Variants in RASGEF1A observed in about 807,000 individuals in gnomAD.
RASGEF1A encodes RasGEF domain family member 1A, also known as ras-GEF domain-containing family member 1A.
RASGEF1A carries 18 observed loss-of-function variants against 56.4 expected under a neutral mutation model. The observed-to-expected ratio is 0.32, with a 90% CI of 0.22 to 0.47. RASGEF1A has a LOEUF of 0.47. RASGEF1A is among the 20% of genes least tolerant of loss of function. The probability of loss-of-function intolerance (pLI) is 1.00; values close to 1 mark genes in which losing one functional copy is unlikely to be tolerated. For synonymous variants in RASGEF1A, 245 were observed against 242.6 expected, an observed-to-expected ratio of 1.01 and a Z score of -0.09; for missense variants, 422 against 627.1, an observed-to-expected ratio of 0.67 and a Z score of 3.49.
intron 1 of RASGEF1A, among the ~76,000 whole-genome samples, chr10:43,210,522 A>G (rs956190649): frequency 5.9e-5 from 9 of 152,200 alleles, no homozygotes; most frequent in African/African-American, 2.2e-4. Flanking sequence ...TAGTATGTGC[A>G]CACCAGCACC....
At chr10:43,256,245 G>A (rs1055611707) in intron 1 of RASGEF1A, among the ~76,000 whole-genome samples, 8 of 152,180 alleles carry the variant, frequency 5.3e-5, no homozygotes, top group African/African-American at 1.7e-4. Flanking sequence ...GGGCAGGTGC[G>A]GCAGGTGCTG....
At position 43,208,925 on chromosome 10, in the gene RASGEF1A, C is replaced by A. The variant is rs1042811701; in HGVS notation, c.-6-2803G>T. On this transcript the variant is annotated intron_variant, in intron 1 of 12. Coordinates refer to ENST00000395810, the MANE Select transcript of RASGEF1A (RefSeq NM_145313.4). ...CTTGTTCCTGGGTGCATCTGGCCAG[C>A]CCTCCACCTTCCCAGCTGTGAAATG... The A allele has an allele frequency of 2.0e-5, 20 of 985,584 alleles. No homozygotes were observed. The African/African-American group carries it at 3.0e-4, about 15-fold the overall frequency. The allele number at this position is 985,584 out of a possible 1,614,324, so 61.1% of individuals were successfully genotyped here.
At chr10:43,234,064 G>A (rs1840403226) in intron 1 of RASGEF1A, among the ~76,000 whole-genome samples, 1 of 152,182 alleles carries the variant, frequency 6.6e-6, no homozygotes, top group African/African-American at 2.4e-5. Context: ...GAGGTCTGGG[G>A]TGCTGCCCTG....
At position 43,211,965 on chromosome 10, in the gene RASGEF1A, T is replaced by C. The variant is rs578144730; in HGVS notation, c.-6-5843A>G. On this transcript the variant is annotated intron_variant, in intron 1 of 12. Transcript: ENST00000395810. Reference sequence around the variant, plus strand: ...GTTGTGTGCCTGGAGCAGAACCAGGTATGTGGTTCTGTGCCACCCACATCT... The same window carrying C: ...GTTGTGTGCCTGGAGCAGAACCAGGCATGTGGTTCTGTGCCACCCACATCT... Among the ~76,000 whole-genome samples, 6 of 152,278 alleles carry C rather than the reference T, an allele frequency of 3.9e-5. No individual in the cohort carries two copies. In the East Asian group the frequency reaches 1.2e-3, roughly 29 times the overall value.
chr10:43,200,309 C>G (rs1289109824), intron 5 of RASGEF1A, 53 bp from the exon 6 acceptor site: 35 of 1,475,384 alleles, frequency 2.4e-5, no homozygotes, highest in Non-Finnish European at 3.2e-5. Flanking sequence ...GGAGAAGGGA[C>G]AGCACTGCAT....
chr10:43,260,217 G>A (rs1055065962), intron 1 of RASGEF1A, among the ~76,000 whole-genome samples: 3 of 152,134 alleles, frequency 2.0e-5, no homozygotes, highest in Non-Finnish European at 2.9e-5. Context: ...TACACCCAGA[G>A]CCCCCAGGCA....
intron 1 of RASGEF1A, among the ~76,000 whole-genome samples, chr10:43,224,511 T>C (rs1840248031): frequency 6.6e-6 from 1 of 152,198 alleles, no homozygotes; most frequent in Non-Finnish European, 1.5e-5. Flanking sequence ...GAAAGGCATT[T>C]GATGATTTTG....
At chr10:43,262,387 C>T (rs1309714123) in intron 1 of RASGEF1A, among the ~76,000 whole-genome samples, 2 of 152,118 alleles carry the variant, frequency 1.3e-5, no homozygotes, top group Non-Finnish European at 2.9e-5. Flanking sequence ...CCTCCCAGCC[C>T]CACCCCCCAG....
At chr10:43,259,081 C>G (rs1369907749) in intron 1 of RASGEF1A, among the ~76,000 whole-genome samples, 2 of 152,244 alleles carry the variant, frequency 1.3e-5, no homozygotes, top group Non-Finnish European at 2.9e-5. Flanking sequence ...CCTGGACAAA[C>G]AGACAAAGCT....
At chr10:43,244,264 CCTCTG>C (rs967162826) in intron 1 of RASGEF1A, among the ~76,000 whole-genome samples, 1 of 138,640 alleles carries the variant, frequency 7.2e-6, no homozygotes, top group African/African-American at 2.6e-5. Context: ...GCCGCAGGGA[CCTCTG>C]CCTAGGAAAA....
intron 1 of RASGEF1A, among the ~76,000 whole-genome samples, chr10:43,257,507 T>C (rs1836443098): frequency 6.6e-6 from 1 of 152,146 alleles, no homozygotes; most frequent in Non-Finnish European, 1.5e-5. Flanking sequence ...CACACCTCAG[T>C]CCCATCTGGC....
intron 1 of RASGEF1A, chr10:43,209,285 G>C: frequency 1.1e-6 from 1 of 902,274 alleles, no homozygotes; most frequent in Non-Finnish European, 1.3e-6. Flanking sequence ...CAGAGAACCC[G>C]TTATTCCCTT....
intron 1 of RASGEF1A, among the ~76,000 whole-genome samples, chr10:43,238,914 A>G (rs1221934841): frequency 6.6e-6 from 1 of 152,234 alleles, no homozygotes; most frequent in Non-Finnish European, 1.5e-5. Context: ...GCTTCTGTGC[A>G]TGTGTCTGTT....
chr10:43,220,184 A>G (rs1840189083), intron 1 of RASGEF1A, among the ~76,000 whole-genome samples: 2 of 152,320 alleles, frequency 1.3e-5, no homozygotes, highest in South Asian at 4.1e-4. Flanking sequence ...AATGTGTAAT[A>G]ATGTGTTGTG....
intron 1 of RASGEF1A, among the ~76,000 whole-genome samples, chr10:43,224,618 G>A (rs1256118513): frequency 6.6e-6 from 1 of 152,166 alleles, no homozygotes; most frequent in Non-Finnish European, 1.5e-5. Context: ...CCTTGATGAC[G>A]AATACCTATT....
At chr10:43,215,088 C>G (rs79260895) in intron 1 of RASGEF1A, among the ~76,000 whole-genome samples, 8,520 of 152,282 alleles carry the variant, frequency 0.056, 619 homozygotes, top group African/African-American at 0.17. Flanking sequence ...GCACACATTC[C>G]CACGACCTGC....
chr10:43,250,924 G>T (rs1840621416), intron 1 of RASGEF1A, among the ~76,000 whole-genome samples: 1 of 152,236 alleles, frequency 6.6e-6, no homozygotes, highest in Admixed American at 6.5e-5. Context: ...AGACACCTGG[G>T]TGGAGGTGGA....
intron 1 of RASGEF1A, among the ~76,000 whole-genome samples, chr10:43,249,575 G>C (rs1299972971): frequency 6.6e-6 from 1 of 152,234 alleles, no homozygotes; most frequent in Non-Finnish European, 1.5e-5. Context: ...AGCGGTGCAG[G>C]GTCCTGCCCA....
At chr10:43,256,447 G>C (rs1023390617) in intron 1 of RASGEF1A, among the ~76,000 whole-genome samples, 1 of 152,134 alleles carries the variant, frequency 6.6e-6, no homozygotes, top group African/African-American at 2.4e-5. Context: ...GGAAAGAAAG[G>C]GCTGGTTGGG....
Sources: gnomAD v4.1 joint callset for allele counts (sites outside exome capture counted in the v4.1 genomes callset) on GRCh38, gnomAD v4.1.1 for gene constraint, MANE v1.5 for transcripts, NCBI Gene and HGNC (gene_info 2026-07-23, HGNC 2026-07-21) for gene names.